ZNF786: variants seen among roughly 807,000 people sequenced by gnomAD.
The protein encoded by ZNF786 is zinc finger protein 786.
A neutral mutation model predicts 63.1 loss-of-function variants in ZNF786; 56 were observed. That is an observed-to-expected ratio of 0.89 (90% CI 0.72 to 1.11). The LOEUF (loss-of-function observed/expected upper bound fraction) is 1.11, where lower values mean the gene tolerates loss of function less well. ZNF786 is among the 50% of genes least tolerant of loss of function. The probability of loss-of-function intolerance (pLI) is 0.00; values close to 1 mark genes in which losing one functional copy is unlikely to be tolerated. For synonymous variants in ZNF786, 485 were observed against 406.9 expected (o/e 1.19, Z -2.31); for missense variants, 1,213 against 1,041.8 (o/e 1.16, Z -2.26).
At chr7:149,084,422 A>G (rs1825698665) in intron 1 of ZNF786, among the ~76,000 whole-genome samples, 2 of 151,964 alleles carry the variant, frequency 1.3e-5, no homozygotes, top group African/African-American at 4.8e-5. Flanking sequence ...TGCTTTCCAC[A>G]ACGGCTGAAC....
At chr7:149,090,167 G>A (rs555720631) in intron 1 of ZNF786, among the ~76,000 whole-genome samples, 3 of 152,040 alleles carry the variant, frequency 2.0e-5, no homozygotes, top group African/African-American at 7.2e-5. Flanking sequence ...CCCAAATCAC[G>A]CTAGACAATA....
At position 149,071,389 on chromosome 7, in the gene ZNF786, G is replaced by GT. The variant is rs1825412153; in HGVS notation, c.1382dup (p.Asn461LysfsTer52). 1 of 1,613,106 alleles carries GT rather than the reference G, an allele frequency of 6.2e-7. No individual in the cohort carries two copies. Among genetic ancestry groups the GT allele is most frequent in the Non-Finnish European group, 8.5e-7 (1 of 1,179,786 alleles). On this transcript the variant is annotated frameshift_variant, in exon 4 of 4. Coordinates refer to ENST00000491431, the MANE Select transcript of ZNF786 (RefSeq NM_152411.4). LOFTEE classifies it high-confidence loss of function. Reference sequence around the variant, plus strand: ...GCAGCAGCTGTCCCCTCTGACGGAAGTTCCTGCCACACTTGGCACACCGGA... The same window carrying GT: ...GCAGCAGCTGTCCCCTCTGACGGAAGTTTCCTGCCACACTTGGCACACCGGA...
intron 1 of ZNF786, chr7:149,081,292 C>T (rs530585216): frequency 1.6e-4 from 61 of 388,568 alleles, no homozygotes; most frequent in Non-Finnish European, 2.3e-4. Context: ...AAAAATTAGC[C>T]GGGTGTGGTG....
chr7:149,072,667 A>G (rs1442342649), intron 3 of ZNF786, among the ~76,000 whole-genome samples, 194 bp from the exon 4 acceptor site: 2 of 152,168 alleles, frequency 1.3e-5, no homozygotes, highest in Non-Finnish European at 2.9e-5. Flanking sequence ...CTGAACAGAC[A>G]TATCTTTGGA....
At chr7:149,081,833 C>G (rs1403306743) in intron 1 of ZNF786, among the ~76,000 whole-genome samples, 1 of 152,044 alleles carries the variant, frequency 6.6e-6, no homozygotes, top group Non-Finnish European at 1.5e-5. Context: ...GATCCTCCAC[C>G]TAGAAAATCC....
At chr7:149,072,593 C>T in intron 3 of ZNF786, 120 bp from the exon 4 acceptor site, 3 of 1,162,058 alleles carry the variant, frequency 2.6e-6, no homozygotes, top group Non-Finnish European at 3.5e-6. Context: ...TTCCACTGAG[C>T]TACCCAACCA....
At chr7:149,073,429 A>G (rs1278025202) in intron 3 of ZNF786, among the ~76,000 whole-genome samples, 1 of 151,952 alleles carries the variant, frequency 6.6e-6, no homozygotes, top group Admixed American at 6.6e-5. Flanking sequence ...CACACCTATA[A>G]TCCCAACACT....
intron 1 of ZNF786, among the ~76,000 whole-genome samples, chr7:149,087,110 T>C (rs967855481): frequency 7.2e-5 from 11 of 152,234 alleles, no homozygotes; most frequent in Admixed American, 5.9e-4. Flanking sequence ...CCCAAAGTGC[T>C]GGGATTACAG....
At position 149,072,555 on chromosome 7, in the gene ZNF786, G is replaced by A. The variant is rs116629802; in HGVS notation, c.299-82C>T. 517 of 1,422,728 alleles carry A rather than the reference G, an allele frequency of 3.6e-4. 1 individual carries two copies. The African/African-American group carries it at 6.9e-3, about 19-fold the overall frequency. The allele number at this position is 1,422,728 out of a possible 1,614,324, so 88.1% of individuals were successfully genotyped here. A position where few individuals can be genotyped will look rare whatever the true frequency, so the allele number is the denominator to read the frequency against. ...TCTCACAGTCAAGTGACCCACAAGA[G>A]TGCCTTGTGGTGGCCTGGGAACCCA... On this transcript the variant is annotated intron_variant, in intron 3 of 3. Transcript: ENST00000491431.
At chr7:149,076,623 GC>G (rs1825555213) in intron 2 of ZNF786, among the ~76,000 whole-genome samples, 1 of 150,858 alleles carries the variant, frequency 6.6e-6, no homozygotes, top group Admixed American at 6.6e-5. Context: ...GGAGGCTAAG[GC>G]AGGAGACTTG....
intron 2 of ZNF786, 52 bp from the exon 3 acceptor site, chr7:149,074,590 C>T: frequency 1.9e-6 from 3 of 1,554,870 alleles, no homozygotes; most frequent in African/African-American, 1.4e-5. Flanking sequence ...TTAAAGCACA[C>T]TAAGTTTCTA....
intron 2 of ZNF786, among the ~76,000 whole-genome samples, chr7:149,079,004 CG>C (rs1381905849): frequency 6.6e-6 from 1 of 152,084 alleles, no homozygotes; most frequent in African/African-American, 2.4e-5. Context: ...TGTCTAAACT[CG>C]ATAAATCAAG....
At chr7:149,082,153 G>C (rs1162315931) in intron 1 of ZNF786, among the ~76,000 whole-genome samples, 2 of 152,128 alleles carry the variant, frequency 1.3e-5, no homozygotes, top group African/African-American at 4.8e-5. Flanking sequence ...CCTCCTTGCT[G>C]TTCTCATGAT....
rs1380408010 is a variant in ZNF786 at position 149,071,541 on chromosome 7, G to C, written c.1231C>G (p.Leu411Val). Residue 411 changes from leucine (L) to valine (V), a missense_variant, in exon 4 of 4, where the codon CTG becomes GTG. Transcript: ENST00000491431. The part of the protein sequence containing the change: ...HCTKRFRLRR[L>V]LQVHQHAHGG... ...TGCGCGTGCTGGTGGACCTGCAGCAGGCGGCGCAGGCGGAAGCGCTTGGTG... is the reference window on the plus strand; with the variant it reads ...TGCGCGTGCTGGTGGACCTGCAGCACGCGGCGCAGGCGGAAGCGCTTGGTG... 3 of 1,612,696 alleles carry C rather than the reference G, an allele frequency of 1.9e-6. No homozygotes were observed.
In ZNF786 at chr7:149,072,175, G is replaced by A. The variant is rs1317422886; in HGVS notation, c.597C>T (p.Asn199=). ...CTCTCTGGTGCATTACTAAATGGTT[G>A]TTCTCCCAACAGCTTTCCCCGCAGA... The part of the protein sequence containing the change: ...WPVCGESCWE[N]NHLVMHQRGH... Residue 199 remains asparagine, a synonymous_variant, in exon 4 of 4, where the codon AAC becomes AAT. Transcript: ENST00000491431. 3 of 1,613,310 alleles carry A rather than the reference G, an allele frequency of 1.9e-6. No individual in the cohort carries two copies. Among genetic ancestry groups the A allele is most frequent in the South Asian group, 2.2e-5 (2 of 90,950 alleles).
rs921270553 is a variant in ZNF786, at chr7:149,070,936, C to G, written c.1836G>C (p.Gln612His). The change falls in exon 4 of 4, where the codon CAG becomes CAC. Residue 612 changes from glutamine to histidine, a missense_variant. Transcript: ENST00000491431. ...FRLKGQLLSH[Q>H]RLHTGERPFQ... ...AGGGCCTCTCTCCCGTGTGCAGGCG[C>G]TGATGGCTGAGCAGCTGCCCCTTCA... 2.5e-6 allele frequency: 4 copies of G among 1,613,686 alleles called. No homozygotes were observed. Among genetic ancestry groups the G allele is most frequent in the Non-Finnish European group, 2.5e-6 (3 of 1,179,968 alleles).
intron 2 of ZNF786, among the ~76,000 whole-genome samples, chr7:149,079,565 T>C (rs1825617790): frequency 1.0e-5 from 1 of 98,998 alleles, no homozygotes; most frequent in Admixed American, 9.6e-5. Context: ...CAGCTACTCT[T>C]TTTTTTTTTT....
chr7:149,074,089 G>A (rs968341983), intron 3 of ZNF786, among the ~76,000 whole-genome samples: 2 of 151,600 alleles, frequency 1.3e-5, no homozygotes, highest in Non-Finnish European at 2.9e-5. Flanking sequence ...CACCATGCCT[G>A]GCCTAACACT....
chr7:149,071,346 T>C lies in ZNF786; in HGVS notation c.1426A>G (p.Thr476Ala), dbSNP rs1028685827. 1.9e-6 allele frequency: 3 copies of C among 1,613,260 alleles called. No individual in the cohort carries two copies. The highest frequency in any genetic ancestry group is 2.5e-6 in the Non-Finnish European group (3 of 1,179,788). The change falls in exon 4 of 4, where the codon ACG (threonine) becomes GCG (alanine). Residue 476 changes from threonine (T) to alanine (A), a missense_variant. By Grantham distance (58) the Thr-to-Ala change is moderately conservative. Transcript: ENST00000491431. The stretch of plus-strand genomic sequence containing the variant: ...GGGCACTGAAAGGGCTTCTCGTCCG[T>C]GTGCAGCCGCTGGTGCCGCAGCAGC... ...GQLLRHQRLH[T>A]DEKPFQCPEC...
Sources: gnomAD v4.1 joint callset for allele counts (sites outside exome capture counted in the v4.1 genomes callset) on GRCh38, gnomAD v4.1.1 for gene constraint, MANE v1.5 for transcripts, NCBI Gene and HGNC (gene_info 2026-07-23, HGNC 2026-07-21) for gene names.